Variants in FRMPD4 observed in about 807,000 individuals in gnomAD.
The protein encoded by FRMPD4 is FERM and PDZ domain containing 4.
FRMPD4 carries 22 observed loss-of-function variants against 94.1 expected under a neutral mutation model. The observed-to-expected ratio is 0.23, with a 90% CI of 0.17 to 0.33. The LOEUF is 0.33. FRMPD4 is among the 10% of genes least tolerant of loss of function. The pLI is 1.00. For missense variants in FRMPD4, 1,111 were observed against 1,339.9 expected, an observed-to-expected ratio of 0.83 and a Z score of 2.67; for synonymous variants, 631 against 548.6, an observed-to-expected ratio of 1.15 and a Z score of -2.10.
intron 3 of FRMPD4, among the ~76,000 whole-genome samples, chrX:11,946,973 C>T (rs1187444676): frequency 1.8e-5 from 2 of 111,901 alleles, no homozygotes; most frequent in Non-Finnish European, 3.8e-5. Flanking sequence ...TCTCAGTTTT[C>T]ATAACCAGGT....
At chrX:12,244,278 C>T (rs1411904992) in intron 1 of FRMPD4, among the ~76,000 whole-genome samples, 2 of 111,283 alleles carry the variant, frequency 1.8e-5, no homozygotes, top group Admixed American at 9.6e-5. Flanking sequence ...CTCTTGTTCA[C>T]TCCCCTCTAG....
chrX:12,106,088 G>A lies in FRMPD4; in HGVS notation c.95+228070G>A, dbSNP rs533626986. ...GTCCAGGCTCTTCAAAGCAGAAAGG[G>A]AGGACCTGCGATAACAGATCAATAA... On this transcript the variant is annotated intron_variant, in intron 3 of 18. Coordinates refer to the FRMPD4 transcript ENST00000640291. Among the ~76,000 whole-genome samples the A allele has an allele frequency of 6.3e-5, 7 of 111,598 alleles. No homozygotes were observed. The South Asian group carries it at 2.3e-3, about 37-fold the overall frequency.
intron 1 of FRMPD4, among the ~76,000 whole-genome samples, chrX:12,398,405 G>T (rs2056570539): frequency 8.9e-6 from 1 of 112,034 alleles, no homozygotes; most frequent in Non-Finnish European, 1.9e-5. Context: ...TTCAATGCTT[G>T]CTCCTTCCCA....
chrX:12,415,889 G>T (rs916092940), intron 1 of FRMPD4, among the ~76,000 whole-genome samples: 1 of 112,114 alleles, frequency 8.9e-6, no homozygotes, highest in Non-Finnish European at 1.9e-5. Flanking sequence ...TGGTATATTT[G>T]TATTATTTGC....
chrX:12,545,864 A>C (rs764961355), intron 2 of FRMPD4, among the ~76,000 whole-genome samples: 24 of 112,937 alleles, frequency 2.1e-4, no homozygotes, highest in Non-Finnish European at 4.3e-4. Context: ...ATTTGGAAAA[A>C]CCAAGCTCAT....
chrX:12,433,404 G>A (rs1252447954), intron 1 of FRMPD4, among the ~76,000 whole-genome samples: 2 of 112,119 alleles, frequency 1.8e-5, no homozygotes, highest in Non-Finnish European at 3.8e-5. Flanking sequence ...ACTCTCCAGA[G>A]GTTGGCCAAA....
intron 16 of FRMPD4, among the ~76,000 whole-genome samples, chrX:12,720,049 G>GGAAAGAAAGAAAGAAAGAAAGAAAGAAA (rs199713463): frequency 1.0e-4 from 4 of 39,577 alleles, no homozygotes; most frequent in African/African-American, 4.8e-4. Flanking sequence ...GGAAAGGAAA[G>GGAAAGAAAGAAAGAAAGAAAGAAAGAAA]GAAAGAAAGA....
intron 1 of FRMPD4, among the ~76,000 whole-genome samples, chrX:11,862,007 C>G (rs2147298109): frequency 9.0e-6 from 1 of 110,791 alleles, no homozygotes; most frequent in South Asian, 3.9e-4. Context: ...ATGGCTGGAG[C>G]AGGAGCAAGG....
chrX:12,290,389 A>G (rs2147874638), intron 1 of FRMPD4, among the ~76,000 whole-genome samples: 1 of 112,380 alleles, frequency 8.9e-6, no homozygotes, highest in Non-Finnish European at 1.9e-5. Flanking sequence ...AAGCCTTACC[A>G]TTGATTAAAC....
chrX:12,252,103 G>T (rs754649315), intron 1 of FRMPD4, among the ~76,000 whole-genome samples: 1 of 112,113 alleles, frequency 8.9e-6, no homozygotes, highest in Non-Finnish European at 1.9e-5. Flanking sequence ...ACTCAAAAAG[G>T]CCTTGTGAGA....
At chrX:11,933,729 GT>G (rs1235673610) in intron 3 of FRMPD4, among the ~76,000 whole-genome samples, 1 of 111,717 alleles carries the variant, frequency 9.0e-6, no homozygotes, top group African/African-American at 3.3e-5. Flanking sequence ...ATTTGGTGAC[GT>G]TATTGAGGCT....
At chrX:12,269,046 T>G (rs1034281089) in intron 1 of FRMPD4, among the ~76,000 whole-genome samples, 2 of 111,846 alleles carry the variant, frequency 1.8e-5, no homozygotes, top group African/African-American at 6.5e-5. Flanking sequence ...AAATGGAGAG[T>G]GAGAGGTAAA....
chrX:12,310,394 C>A (rs2147906263), intron 1 of FRMPD4, among the ~76,000 whole-genome samples: 1 of 106,988 alleles, frequency 9.3e-6, no homozygotes, highest in South Asian at 4.3e-4. Context: ...TTTTGTGATT[C>A]TTCAGTTACT....
At chrX:11,918,184 G>A (rs965322246) in intron 3 of FRMPD4, among the ~76,000 whole-genome samples, 15 of 113,065 alleles carry the variant, frequency 1.3e-4, no homozygotes, top group African/African-American at 4.8e-4. Flanking sequence ...ACTGCAGCAA[G>A]CACATACCAA....
intron 1 of FRMPD4, among the ~76,000 whole-genome samples, chrX:12,308,200 C>G (rs2054974387): frequency 8.9e-6 from 1 of 111,759 alleles, no homozygotes. Context: ...TTAACATCCA[C>G]CTTGTATTCT....
chrX:12,475,620 C>G (rs143864028), intron 1 of FRMPD4, among the ~76,000 whole-genome samples: 6,114 of 111,750 alleles, frequency 0.055, 437 homozygotes, highest in African/African-American at 0.18. Flanking sequence ...CAAAGTCTCA[C>G]GATACAAAAT....
chrX:12,573,317 T>G (rs1602149478), intron 2 of FRMPD4, among the ~76,000 whole-genome samples: 1 of 112,184 alleles, frequency 8.9e-6, no homozygotes, highest in African/African-American at 3.2e-5. Context: ...GAAATTTGAC[T>G]TTTATTCTTA....
chrX:12,339,063 G>A (rs1252834193), intron 1 of FRMPD4, among the ~76,000 whole-genome samples: 1 of 112,160 alleles, frequency 8.9e-6, no homozygotes, highest in Non-Finnish European at 1.9e-5. Flanking sequence ...TGAGGGTGGG[G>A]AGATTGTCAG....
chrX:12,717,399 A>T (rs1357864852), intron 15 of FRMPD4, 102 bp from the exon 16 acceptor site: 2 of 593,509 alleles, frequency 3.4e-6, no homozygotes, highest in Non-Finnish European at 5.4e-6. Flanking sequence ...AAAGGGAAAA[A>T]CTTGGTATTT....
Sources: gnomAD v4.1 joint callset for allele counts (sites outside exome capture counted in the v4.1 genomes callset) on GRCh38, gnomAD v4.1.1 for gene constraint, MANE v1.5 for transcripts, NCBI Gene and HGNC (gene_info 2026-07-23, HGNC 2026-07-21) for gene names.